The following EYS variants were observed in gnomAD, a reference collection of about 807,000 sequenced individuals.
EYS encodes EGF-like photoreceptor maintenance factor.
A neutral mutation model predicts 282.1 loss-of-function variants in EYS; 250 were observed. The ratio of observed to expected loss-of-function variants is 0.89; its 90% CI spans 0.80 to 0.98. The LOEUF is 0.98. Among genes scored for constraint, EYS ranks in the 50% least tolerant of loss-of-function variants. The pLI is 0.00. For synonymous variants in EYS, 1,355 were observed against 1,282.9 expected (o/e 1.06, Z -1.20); for missense variants, 4,016 against 3,709.0 (o/e 1.08, Z -2.15).
intron 35 of EYS, among the ~76,000 whole-genome samples, chr6:63,970,073 A>G (rs1309621366): frequency 6.6e-6 from 1 of 152,124 alleles, no homozygotes; most frequent in Non-Finnish European, 1.5e-5. Context: ...GGAGAGAAAA[A>G]GCAGGTAGCT....
chr6:64,327,036 C>G (rs542672161), intron 29 of EYS, among the ~76,000 whole-genome samples: 1 of 152,056 alleles, frequency 6.6e-6, no homozygotes, highest in African/African-American at 2.4e-5. Flanking sequence ...AAAGGAAAAC[C>G]GTTTCAGGGA....
chr6:65,289,003 G>GA (rs1373551448), intron 12 of EYS, among the ~76,000 whole-genome samples: 1 of 150,594 alleles, frequency 6.6e-6, no homozygotes, highest in African/African-American at 2.4e-5. Context: ...ACATAAAAAG[G>GA]AAAAATATAA....
chr6:65,118,183 T>C (rs1317933425), intron 12 of EYS, among the ~76,000 whole-genome samples: 1 of 152,114 alleles, frequency 6.6e-6, no homozygotes, highest in Non-Finnish European at 1.5e-5. Context: ...TGGCAGCATT[T>C]GAGGTGTAGA....
At chr6:65,389,881 G>T (rs1477741252) in intron 7 of EYS, among the ~76,000 whole-genome samples, 1 of 152,040 alleles carries the variant, frequency 6.6e-6, no homozygotes, top group Admixed American at 6.6e-5. Flanking sequence ...AGAGAATCAA[G>T]GAATTTGAAA....
chr6:64,285,842 G>A (rs1382578955), intron 30 of EYS, among the ~76,000 whole-genome samples: 1 of 152,084 alleles, frequency 6.6e-6, no homozygotes. Context: ...ACTACCATGA[G>A]AACAGTATGG....
chr6:64,312,799 T>C (rs1769772336), intron 29 of EYS, among the ~76,000 whole-genome samples: 1 of 152,114 alleles, frequency 6.6e-6, no homozygotes, highest in Non-Finnish European at 1.5e-5. Context: ...AACTGACTGT[T>C]AGAAAGAAAA....
chr6:65,071,152 ATG>A (rs1399872712), intron 12 of EYS, among the ~76,000 whole-genome samples: 9 of 151,854 alleles, frequency 5.9e-5, no homozygotes, highest in African/African-American at 1.7e-4. Context: ...AAAATGGATT[ATG>A]GCTAAATGGA....
chr6:64,411,925 G>GTATATATATTTATATATGCATGCATA (rs1561980315), intron 28 of EYS, among the ~76,000 whole-genome samples: 2 of 117,318 alleles, frequency 1.7e-5, no homozygotes, highest in Non-Finnish European at 3.9e-5. Flanking sequence ...ATGCATGCAT[G>GTATATATATTTATATATGCATGCATA]TATGTATATA....
At chr6:65,038,087 ATAAT>A (rs923854834) in intron 13 of EYS, among the ~76,000 whole-genome samples, 3 of 151,616 alleles carry the variant, frequency 2.0e-5, no homozygotes, top group African/African-American at 7.2e-5. Flanking sequence ...CTAATAATTA[ATAAT>A]TAAACAAATC....
intron 35 of EYS, among the ~76,000 whole-genome samples, chr6:63,965,316 G>A (rs927725557): frequency 6.6e-6 from 1 of 152,146 alleles, no homozygotes; most frequent in Admixed American, 6.6e-5. Flanking sequence ...TGTGCAGCTG[G>A]CAGAAGAAAA....
At chr6:64,485,895 A>G (rs1034389140) in intron 26 of EYS, among the ~76,000 whole-genome samples, 5 of 151,590 alleles carry the variant, frequency 3.3e-5, no homozygotes, top group African/African-American at 1.2e-4. Flanking sequence ...ACAAATATTC[A>G]TATTTCTATA....
At chr6:64,870,797 T>C (rs1444939386) in intron 19 of EYS, among the ~76,000 whole-genome samples, 2 of 151,454 alleles carry the variant, frequency 1.3e-5, no homozygotes, top group African/African-American at 2.4e-5. Flanking sequence ...AAATATGAAA[T>C]TCACTGGAGG....
chr6:65,219,882 A>G (rs917160278), intron 12 of EYS, among the ~76,000 whole-genome samples: 1 of 152,132 alleles, frequency 6.6e-6, no homozygotes, highest in African/African-American at 2.4e-5. Flanking sequence ...CATGAGGCTT[A>G]TTCACTACCA....
chr6:65,087,166 T>A (rs1280290851), intron 12 of EYS, among the ~76,000 whole-genome samples: 1 of 152,130 alleles, frequency 6.6e-6, no homozygotes, highest in Non-Finnish European at 1.5e-5. Context: ...CAGGTTAGGA[T>A]GTTTAAGGAT....
chr6:64,429,844 C>A (rs896461390), intron 28 of EYS, among the ~76,000 whole-genome samples: 3 of 152,102 alleles, frequency 2.0e-5, no homozygotes, highest in Non-Finnish European at 2.9e-5. Context: ...GAATAATTAT[C>A]ATTTAAAATG....
intron 26 of EYS, among the ~76,000 whole-genome samples, chr6:64,528,626 T>C (rs1163582016): frequency 6.6e-6 from 1 of 152,028 alleles, no homozygotes; most frequent in Non-Finnish European, 1.5e-5. Flanking sequence ...ACTTATTTAG[T>C]ACCAAGTGCT....
chr6:63,859,077 T>TG (rs1453156769), intron 36 of EYS, among the ~76,000 whole-genome samples: 27 of 17,800 alleles, frequency 1.5e-3, no homozygotes, highest in Non-Finnish European at 3.1e-3. Context: ...CCTAGAGAGT[T>TG]TTTTTTTTTT....
At chr6:63,853,477 TAA>T (rs1011234283) in intron 36 of EYS, among the ~76,000 whole-genome samples, 2 of 151,980 alleles carry the variant, frequency 1.3e-5, no homozygotes, top group African/African-American at 4.8e-5. Context: ...TTCAAGGAAA[TAA>T]GAGAGGACAC....
At chr6:64,341,336 A>C (rs1225410899) in intron 29 of EYS, among the ~76,000 whole-genome samples, 1 of 151,846 alleles carries the variant, frequency 6.6e-6, no homozygotes. Context: ...AATGCTGTAC[A>C]TATAGACCAT....
Sources: allele counts gnomAD v4.1 joint callset (sites outside exome capture counted in the v4.1 genomes callset), GRCh38; gene constraint gnomAD v4.1.1; transcripts MANE v1.5; gene names NCBI Gene and HGNC (gene_info 2026-07-23, HGNC 2026-07-21).